The following PRPF19 variants were observed in gnomAD, a reference collection of about 807,000 sequenced individuals.
The protein encoded by PRPF19 is pre-mRNA processing factor 19, also known as pre-mRNA-processing factor 19.
Under a neutral mutation model 64.2 loss-of-function variants are expected in PRPF19, and 2 were observed. That is an observed-to-expected ratio of 0.03 (90% CI 0.01 to 0.10). The LOEUF (loss-of-function observed/expected upper bound fraction) is 0.10, where lower values mean the gene tolerates loss of function less well. Ranked by LOEUF, PRPF19 falls within the 10% of genes least tolerant of loss-of-function variation. The pLI is 1.00. For missense variants in PRPF19, 314 were observed against 650.0 expected (o/e 0.48, Z 5.62); for synonymous variants, 226 against 251.6 (o/e 0.90, Z 0.96).
intron 15 of PRPF19, among the ~76,000 whole-genome samples, chr11:60,896,015 T>G (rs1855916030): frequency 1.3e-5 from 2 of 152,122 alleles, no homozygotes; most frequent in African/African-American, 4.8e-5. Flanking sequence ...TGAAATACTG[T>G]AAGAATTACC....
At chr11:60,901,412 C>T (rs1565111392) in intron 7 of PRPF19, 43 bp from the exon 8 acceptor site, 1 of 1,613,550 alleles carries the variant, frequency 6.2e-7, no homozygotes, top group East Asian at 2.2e-5. Context: ...GCAATGAATC[C>T]AAGATTCAGC....
intron 1 of PRPF19, among the ~76,000 whole-genome samples, chr11:60,904,478 C>T (rs1856020383): frequency 6.6e-6 from 1 of 152,206 alleles, no homozygotes; most frequent in East Asian, 1.9e-4. Context: ...AGACTCCCCG[C>T]CCCTTCAGAT....
At position 60,902,930 on chromosome 11, in the gene PRPF19, T is replaced by C. The variant is rs1855999601; in HGVS notation, c.247-49A>G. The C allele has an allele frequency of 1.3e-6, 2 of 1,594,320 alleles. No individual in the cohort carries two copies. The highest frequency in any genetic ancestry group is 8.5e-7 in the Non-Finnish European group (1 of 1,173,192). On this transcript the variant is annotated intron_variant, in intron 3 of 15. Transcript: ENST00000227524. The surrounding 1 kb of genome is among the most constrained non-coding windows in gnomAD (Gnocchi z 5.0). The stretch of plus-strand genomic sequence containing the variant: ...AAGGTGAGGTGGGGGGTGCAGGGAG[T>C]ACCCAGTGGAGTCAGCCCTTGGGGA...
At chr11:60,899,082 C>T in intron 11 of PRPF19, 67 bp downstream of exon 11, 1 of 1,545,292 alleles carries the variant, frequency 6.5e-7, no homozygotes, top group Middle Eastern at 1.7e-4. Flanking sequence ...GGAAGATGTT[C>T]CTGCCACCCA....
intron 1 of PRPF19, 150 bp downstream of exon 1, chr11:60,906,214 G>T: frequency 7.9e-7 from 1 of 1,271,346 alleles, no homozygotes; most frequent in South Asian, 1.7e-5. Context: ...CTCCGACGGG[G>T]GGGGCTCCGG....
chr11:60,890,986 G>A lies in PRPF19; in HGVS notation c.*180C>T. 1.6e-6 allele frequency: 1 copy of A among 625,014 alleles called. No individual in the cohort carries two copies. The highest frequency in any genetic ancestry group is 2.9e-6 in the Non-Finnish European group (1 of 347,330). The allele number at this position is 625,014 out of a possible 1,614,324, so 38.7% of individuals were successfully genotyped here. On this transcript the variant is annotated 3_prime_UTR_variant, in exon 16 of 16. Transcript: ENST00000227524. ...TTCCCATGGGGCCTGGAGTTGCATG[G>A]ATGAGGGTGGTCCATGCCACCATGG...
At chr11:60,900,561 G>C in intron 10 of PRPF19, 21 bp downstream of exon 10, 1 of 1,507,646 alleles carries the variant, frequency 6.6e-7, no homozygotes, top group Non-Finnish European at 9.0e-7. Flanking sequence ...AGAACCAAGG[G>C]TGGCGAGGAG....
intron 3 of PRPF19, among the ~76,000 whole-genome samples, chr11:60,903,115 C>G (rs147276229): frequency 4.6e-5 from 7 of 152,190 alleles, no homozygotes; most frequent in Non-Finnish European, 7.3e-5. Flanking sequence ...CCATCCCCAC[C>G]TTCCCTAACT....
chr11:60,895,478 A>T (rs971993272), intron 15 of PRPF19, among the ~76,000 whole-genome samples: 4 of 152,220 alleles, frequency 2.6e-5, no homozygotes, highest in African/African-American at 9.6e-5. Flanking sequence ...GGCTTAAAAG[A>T]ATGTTGTGGC....
rs142289186 is a variant in PRPF19 at position 60,903,823 on chromosome 11, C to T, written c.58G>A (p.Val20Ile). The change falls in exon 2 of 16, where the codon GTC becomes ATC. Residue 20 changes from valine (V) to isoleucine (I), a missense_variant. Val to Ile is a conservative substitution (Grantham distance 29). Transcript: ENST00000227524. ...CGCCGCTCATAAACATGATTAGAGA[C>T]AGGGGATACACATGGGTGCTCCGGC... is the stretch of plus-strand genomic sequence containing the variant. The part of the protein sequence containing the change: ...EVPEHPCVSP[V>I]SNHVYERRLI... The T allele has an allele frequency of 6.8e-6, 11 of 1,609,604 alleles. No homozygotes were observed. Among genetic ancestry groups the T allele is most frequent in the African/African-American group, 1.3e-5 (1 of 74,296 alleles).
intron 1 of PRPF19, among the ~76,000 whole-genome samples, chr11:60,905,126 T>C (rs1856029742): frequency 1.3e-5 from 2 of 152,216 alleles, no homozygotes; most frequent in South Asian, 4.1e-4. Flanking sequence ...TACAGTACAG[T>C]AATTCATCTT....
Position 60,898,302 on chromosome 11 carries a change from A to G in PRPF19, c.1141-31T>C, listed in dbSNP as rs369769017. On this transcript the variant is annotated intron_variant, in intron 13 of 15. Coordinates refer to ENST00000227524, the MANE Select transcript of PRPF19 (RefSeq NM_014502.5). This position sits in a 1 kb window ranked among gnomAD's most constrained non-coding sequence, Gnocchi z 4.6. Reference sequence around the variant, plus strand: ...GTGGCGGTGGGTAGTAAAATACGTCACCCACAGATCATGAGAGGAAGAAAA... The same window carrying G: ...GTGGCGGTGGGTAGTAAAATACGTCGCCCACAGATCATGAGAGGAAGAAAA... 27 of 1,607,404 alleles carry G rather than the reference A, an allele frequency of 1.7e-5. No individual in the cohort carries two copies. Among genetic ancestry groups the G allele is most frequent in the Non-Finnish European group, 2.2e-5 (26 of 1,177,156 alleles).
At position 60,898,756 on chromosome 11, in the gene PRPF19, T is replaced by C. The variant is rs779615679; in HGVS notation, c.1054+106A>G. 6.6e-7 allele frequency: 1 copy of C among 1,524,068 alleles called. No homozygotes were observed. The highest frequency in any genetic ancestry group is 1.2e-5 in the South Asian group (1 of 82,790). The allele number at this position is 1,524,068 out of a possible 1,614,324, so 94.4% of individuals were successfully genotyped here. On this transcript the variant is annotated intron_variant, in intron 12 of 15. Coordinates refer to ENST00000227524, the MANE Select transcript of PRPF19 (RefSeq NM_014502.5). This position sits in a 1 kb window ranked among gnomAD's most constrained non-coding sequence, Gnocchi z 4.6. ...CACAAAGCCCGCACTAGACAGGTGC[T>C]CATGGTAAATATATCTTTAGAACAA...
rs771262278 is a variant in PRPF19, at chr11:60,898,220, T to C, written c.1192A>G (p.Ile398Val). The C allele has an allele frequency of 5.0e-6, 8 of 1,614,022 alleles. No homozygotes were observed. The highest frequency in any genetic ancestry group is 6.8e-6 in the Non-Finnish European group (8 of 1,180,044). Residue 398 changes from isoleucine to valine, a missense_variant, in exon 14 of 16, where the codon ATC (isoleucine) becomes GTC (valine). Ile to Val is a conservative substitution (Grantham distance 29, BLOSUM62 3). Transcript: ENST00000227524. The surrounding 1 kb of genome is among the most constrained non-coding windows in gnomAD (Gnocchi z 4.6). The part of the protein sequence containing the change: ...FPGHSGPITS[I>V]AFSENGYYLA... The stretch of plus-strand genomic sequence containing the variant: ...TAGTAACCATTCTCAGAGAAGGCGA[T>C]GCTAGTGATGGGGCCCGAGTGGCCA...
rs1158754065 is a variant in PRPF19 at position 60,898,893 on chromosome 11, G to A, written c.1023C>T (p.Leu341=). ...AFSDIQTGRV[L]TKVTDETSGC... ...CGGAGGTCTCATCTGTCACCTTGGTGAGCACACGCCCTGTCTGGATGTCAG... is the reference window on the plus strand; with the variant it reads ...CGGAGGTCTCATCTGTCACCTTGGTAAGCACACGCCCTGTCTGGATGTCAG... Residue 341 remains leucine (L), a synonymous_variant, in exon 12 of 16, where the codon CTC becomes CTT. Transcript: ENST00000227524. This position sits in a 1 kb window ranked among gnomAD's most constrained non-coding sequence, Gnocchi z 4.6. 6.2e-7 allele frequency: 1 copy of A among 1,605,782 alleles called. No homozygotes were observed. Among genetic ancestry groups the A allele is most frequent in the Non-Finnish European group, 8.5e-7 (1 of 1,176,008 alleles).
rs780935730 is a variant in PRPF19, at chr11:60,902,403, C to G, written c.525G>C (p.Lys175Asn). 2 of 1,613,798 alleles carry G rather than the reference C, an allele frequency of 1.2e-6. No homozygotes were observed. Among genetic ancestry groups the G allele is most frequent in the East Asian group, 4.5e-5 (2 of 44,886 alleles). ...CCCACCAGGTGAGAGCAGGACTTAC[C>G]TTCTGAATAATCTCTGGGGTCATTC... is the stretch of plus-strand genomic sequence containing the variant. ...LVGMTPEIIQ[K>N]LQDKATVLTT... Residue 175 changes from lysine to asparagine, a missense_variant and splice_region_variant, in exon 6 of 16, where the codon AAG becomes AAC. Lys to Asn is a moderately conservative substitution (Grantham distance 94, BLOSUM62 0). This residue lies in a region of PRPF19 where 175 missense variants were observed against 342.9 expected (regional missense o/e 0.51). Transcript: ENST00000227524. This position sits in a 1 kb window ranked among gnomAD's most constrained non-coding sequence, Gnocchi z 5.0.
chr11:60,904,317 G>A (rs1856018666), intron 1 of PRPF19, among the ~76,000 whole-genome samples: 1 of 152,194 alleles, frequency 6.6e-6, no homozygotes, highest in Non-Finnish European at 1.5e-5. Flanking sequence ...TGAGAATACA[G>A]GAATAACAAA....
chr11:60,895,440 G>C (rs539306160), intron 15 of PRPF19, among the ~76,000 whole-genome samples: 5 of 152,338 alleles, frequency 3.3e-5, no homozygotes, highest in Non-Finnish European at 7.4e-5. Flanking sequence ...GAATTCAAGA[G>C]TTAGGATCTT....
At chr11:60,901,185 C>T (rs1266666164) in intron 8 of PRPF19, 110 bp downstream of exon 8, 12 of 1,230,444 alleles carry the variant, frequency 9.8e-6, no homozygotes, top group African/African-American at 1.5e-5. Flanking sequence ...CCAGGAACAG[C>T]GCCAGGAACC....
Sources: gnomAD v4.1 joint callset for allele counts (sites outside exome capture counted in the v4.1 genomes callset) on GRCh38, gnomAD v4.1.1 for gene constraint, gnomAD v4.1.1 regional missense constraint, Gnocchi (gnomAD v3.1) non-coding constraint, MANE v1.5 for transcripts, NCBI Gene and HGNC (gene_info 2026-07-23, HGNC 2026-07-21) for gene names.